The following TJP1 variants were observed in gnomAD, a reference collection of about 807,000 sequenced individuals.
TJP1 encodes tight junction protein 1.
A neutral mutation model predicts 194.2 loss-of-function variants in TJP1; 43 were observed. The ratio of observed to expected loss-of-function variants is 0.22; its 90% confidence interval spans 0.17 to 0.29. The LOEUF is 0.29. Ranked by LOEUF, TJP1 falls within the 10% of genes least tolerant of loss-of-function variation. TJP1 has a pLI of 1.00. For missense variants in TJP1, 1,971 were observed against 2,185.7 expected (o/e 0.90, Z 1.96); for synonymous variants, 801 against 779.0 (o/e 1.03, Z -0.47).
At chr15:29,823,723 G>A (rs2050563502), upstream of TJP1, 1 of 152,112 alleles carries the variant, frequency 6.6e-6, no homozygotes, top group African/African-American at 2.4e-5. Context: ...TCATAAAAAT[G>A]GTTGAAGTCA....
intron 8 of TJP1, chr15:29,760,076 C>A (rs2045903470): frequency 1.8e-6 from 1 of 553,156 alleles, no homozygotes; most frequent in Non-Finnish European, 3.2e-6. Flanking sequence ...CAATTACATT[C>A]TCATCAACAA....
At chr15:29,950,078 A>T (rs1214271867) in intron 2 of TJP1, among the ~76,000 whole-genome samples, 6 of 17,532 alleles carry the variant, frequency 3.4e-4, no homozygotes, top group Admixed American at 7.1e-4. Flanking sequence ...CACCTCCACC[A>T]CCACCATCTT....
chr15:29,791,656 G>A (rs2048101811), intron 2 of TJP1, among the ~76,000 whole-genome samples: 1 of 151,912 alleles, frequency 6.6e-6, no homozygotes, highest in African/African-American at 2.4e-5. Context: ...GCCTCCCAAA[G>A]TGCTGGGATT....
At chr15:29,968,777 C>G in exon 1 of TJP1, 3 of 1,220,286 alleles carry the variant, frequency 2.5e-6, no homozygotes, top group Non-Finnish European at 3.2e-6. Flanking sequence ...CCCCGCTCCG[C>G]TCGCGGGCAG....
chr15:29,920,270 C>T (rs185318921), intron 2 of TJP1, among the ~76,000 whole-genome samples: 2 of 152,002 alleles, frequency 1.3e-5, no homozygotes, highest in African/African-American at 4.8e-5. Context: ...AAAATAAAGC[C>T]CAAGTTGTAA....
intron 2 of TJP1, among the ~76,000 whole-genome samples, chr15:29,880,418 T>C (rs913218212): frequency 6.6e-6 from 1 of 152,158 alleles, no homozygotes; most frequent in African/African-American, 2.4e-5. Context: ...CCTCACAAAG[T>C]TTCCTCATGT....
chr15:29,721,100 C>T (rs1353249165), intron 18 of TJP1, among the ~76,000 whole-genome samples: 1 of 152,210 alleles, frequency 6.6e-6, no homozygotes, highest in Non-Finnish European at 1.5e-5. Context: ...GACACACTGA[C>T]AGAATAGCAC....
intron 2 of TJP1, among the ~76,000 whole-genome samples, chr15:29,905,062 T>C (rs7180307): frequency 0.015 from 2,260 of 152,286 alleles, 54 homozygotes; most frequent in African/African-American, 0.052. Context: ...AAAGGATACA[T>C]TTTTGTTGTT....
rs1349113570 is a variant in TJP1 at position 29,700,533 on chromosome 15, G to GGAGA, written c.*1058_*1061dup. The GGAGA allele has an allele frequency of 2.5e-6, 1 of 398,480 alleles. No homozygotes were observed. The highest frequency in any genetic ancestry group is 3.6e-5 in the East Asian group (1 of 28,042). 24.7% of individuals were successfully genotyped at this position (398,480 alleles called of 1,614,324 possible). Reference sequence around the variant, plus strand: ...CAAAGTTCAAGGCTCAAGAGGTACAGGAGAGAATACAAAGGTAGCCTTTAG... The same window carrying GGAGA: ...CAAAGTTCAAGGCTCAAGAGGTACAGGAGAGAGAGAATACAAAGGTAGCCTTTAG... On this transcript the variant is annotated 3_prime_UTR_variant, in exon 28 of 28. Transcript: ENST00000614355.
chr15:29,731,741 G>A (rs1225350029), intron 15 of TJP1, among the ~76,000 whole-genome samples: 1 of 151,612 alleles, frequency 6.6e-6, no homozygotes, highest in Middle Eastern at 3.2e-3. Context: ...CCCATGTCCT[G>A]CCTGAAATAC....
chr15:29,913,385 A>G lies in TJP1; in HGVS notation c.306+42847T>C, dbSNP rs2054083627. On this transcript the variant is annotated intron_variant, in intron 2 of 28. Coordinates refer to the TJP1 transcript ENST00000356107. ...GGGAGGTATCAGAGGCAGGAGAATG[A>G]CCTACAAGGGTTTCTTAATTGGGGT... Among the ~76,000 whole-genome samples the G allele has an allele frequency of 2.0e-5, 3 of 152,282 alleles. No homozygotes were observed. In the South Asian group the frequency reaches 6.2e-4, roughly 32 times the overall value.
At position 29,742,654 on chromosome 15, in the gene TJP1, G is replaced by A. The variant is rs763691257; in HGVS notation, c.1138C>T (p.Pro380Ser). 1.3e-6 allele frequency: 2 copies of A among 1,582,394 alleles called. No individual in the cohort carries two copies. The highest frequency in any genetic ancestry group is 3.7e-5 in the Admixed American group (2 of 54,488). Residue 380 changes from proline (P) to serine (S), a missense_variant, in exon 9 of 28, where the codon CCT becomes TCT. Coordinates refer to ENST00000614355, the MANE Select transcript of TJP1 (RefSeq NM_001330239.4). ...VTVERNEKQT[P>S]SLPEPKPVYA... is the part of the protein sequence containing the mutation. ...TCGTTATGCTTACCTGGAAGAGAAG[G>A]TGTTTGTTTCTCATTTCTTTCAACT...
chr15:29,874,287 G>A (rs1337850446), intron 2 of TJP1, among the ~76,000 whole-genome samples: 1 of 152,180 alleles, frequency 6.6e-6, no homozygotes, highest in African/African-American at 2.4e-5. Flanking sequence ...GTAAAGGAGT[G>A]TATCAGGGAT....
intron 1 of TJP1, among the ~76,000 whole-genome samples, chr15:29,811,488 T>G (rs1414843013): frequency 1.3e-5 from 2 of 151,996 alleles, no homozygotes; most frequent in Non-Finnish European, 2.9e-5. Flanking sequence ...ATAAAACAAG[T>G]AGAAAGACCT....
At chr15:29,848,810 G>A (rs991228873) in intron 2 of TJP1, among the ~76,000 whole-genome samples, 1 of 150,822 alleles carries the variant, frequency 6.6e-6, no homozygotes, top group Admixed American at 6.6e-5. Flanking sequence ...AGTGAGCCGA[G>A]ATCACACCAC....
rs2046020042 is a variant in TJP1, at chr15:29,761,718, T to C, written c.745A>G (p.Ile249Val). Residue 249 changes from isoleucine to valine, a missense_variant, in exon 7 of 28, where the codon ATA becomes GTA. This residue lies in a region of TJP1 where 245 missense variants were observed against 336.6 expected (regional missense o/e 0.73). Transcript: ENST00000614355. ...NMSLTDAKTL[I>V]ERSKGKLKMV... ...TTTAATTTGCCTTTAGACCTTTCTA[T>C]CAATGTCTTTGCATCTGTCAATGAC... 1.2e-6 allele frequency: 2 copies of C among 1,600,328 alleles called. No individual in the cohort carries two copies. The highest frequency in any genetic ancestry group is 1.7e-6 in the Non-Finnish European group (2 of 1,169,142).
At chr15:29,949,741 C>T in intron 2 of TJP1, among the ~76,000 whole-genome samples, 1 of 121,888 alleles carries the variant, frequency 8.2e-6, no homozygotes, top group African/African-American at 2.9e-5. Flanking sequence ...CCTCCACCAC[C>T]ACCACCTCCA....
intron 2 of TJP1, among the ~76,000 whole-genome samples, chr15:29,871,608 G>T (rs371776153): frequency 6.6e-6 from 1 of 152,222 alleles, no homozygotes; most frequent in Non-Finnish European, 1.5e-5. Context: ...CGTAGGAGAC[G>T]GCCCCAGCTG....
At chr15:29,725,069 T>C (rs192744615) in intron 18 of TJP1, among the ~76,000 whole-genome samples, 2 of 152,326 alleles carry the variant, frequency 1.3e-5, no homozygotes, top group Admixed American at 1.3e-4. Flanking sequence ...CAGAATTGTG[T>C]TGCTATAGAA....
Sources: gnomAD v4.1 joint callset for allele counts (sites outside exome capture counted in the v4.1 genomes callset) on GRCh38, gnomAD v4.1.1 for gene constraint, gnomAD v4.1.1 regional missense constraint, MANE v1.5 for transcripts, NCBI Gene and HGNC (gene_info 2026-07-23, HGNC 2026-07-21) for gene names.